The following DZANK1 variants were observed in gnomAD, a reference collection of about 807,000 sequenced individuals.
DZANK1 encodes double zinc ribbon and ankyrin repeat domains 1.
In DZANK1, 91 loss-of-function variants were observed where a neutral mutation model predicts 94.5. The observed-to-expected ratio is 0.96, with a 90% CI of 0.81 to 1.15. DZANK1 has a LOEUF of 1.15. DZANK1 is among the 50% of genes most tolerant of loss of function. DZANK1 has a pLI of 0.00. For missense variants in DZANK1, 903 were observed against 916.4 expected (o/e 0.99, Z 0.19); for synonymous variants, 312 against 325.3 (o/e 0.96, Z 0.44).
chr20:18,437,186 C>T (rs2058555771), intron 8 of DZANK1, among the ~76,000 whole-genome samples: 1 of 152,126 alleles, frequency 6.6e-6, no homozygotes, highest in South Asian at 2.1e-4. Flanking sequence ...GATTGTATAA[C>T]ACCGCATTTT....
At chr20:18,426,372 T>C (rs2058044354) in intron 10 of DZANK1, among the ~76,000 whole-genome samples, 1 of 151,954 alleles carries the variant, frequency 6.6e-6, no homozygotes, top group Non-Finnish European at 1.5e-5. Flanking sequence ...GGACCGCTGC[T>C]GTAGACCATA....
chr20:18,414,413 G>C, exon 12 of DZANK1: 5 of 1,614,016 alleles, frequency 3.1e-6, no homozygotes, highest in East Asian at 2.2e-5. Context: ...AGTTTCACTA[G>C]GGACTTCACA....
At position 18,450,363 on chromosome 20, in the gene DZANK1, C is replaced by A. The variant is rs568133306; in HGVS notation, c.544-1294G>T. Among the ~76,000 whole-genome samples, 289 of 152,142 alleles carry A rather than the reference C, an allele frequency of 1.9e-3. 1 individual carries two copies. Among genetic ancestry groups the A allele is most frequent in the Non-Finnish European group, 3.3e-3 (223 of 67,988 alleles). Reference sequence around the variant, plus strand: ...GCCAGGAGTTCAAAAATAGTCTGGGCAACATAGTGAATCCCCATCTCTACA... The same window carrying A: ...GCCAGGAGTTCAAAAATAGTCTGGGAAACATAGTGAATCCCCATCTCTACA... On this transcript the variant is annotated intron_variant, in intron 6 of 20. Coordinates refer to ENST00000262547, the Ensembl canonical transcript of DZANK1.
At chr20:18,435,815 C>T (rs1338483082) in intron 8 of DZANK1, among the ~76,000 whole-genome samples, 2 of 150,738 alleles carry the variant, frequency 1.3e-5, no homozygotes, top group Non-Finnish European at 2.9e-5. Flanking sequence ...TCTTTTGTTT[C>T]TTTACTTCTC....
intron 10 of DZANK1, among the ~76,000 whole-genome samples, chr20:18,416,756 G>A (rs545792091): frequency 4.3e-4 from 65 of 152,088 alleles, no homozygotes; most frequent in African/African-American, 1.5e-3. Context: ...CTTTGTGTGC[G>A]CTTGCCTTCA....
intron 6 of DZANK1, among the ~76,000 whole-genome samples, chr20:18,450,203 T>C (rs1386362730): frequency 1.4e-4 from 21 of 152,202 alleles, no homozygotes; most frequent in Non-Finnish European, 7.3e-5. Flanking sequence ...ACAGGCTCTA[T>C]CCTGCAGGCA....
At chr20:18,439,528 A>G (rs897027587) in intron 8 of DZANK1, among the ~76,000 whole-genome samples, 3 of 152,156 alleles carry the variant, frequency 2.0e-5, no homozygotes, top group Admixed American at 6.6e-5. Flanking sequence ...GATTCCTCTT[A>G]CTGAAACATC....
At chr20:18,401,994 C>T (rs1394609934) in intron 13 of DZANK1, among the ~76,000 whole-genome samples, 1 of 152,176 alleles carries the variant, frequency 6.6e-6, no homozygotes, top group Non-Finnish European at 1.5e-5. Context: ...TCTGATACCA[C>T]ATTTATATCT....
At chr20:18,462,107 G>A (rs2059492775) in intron 2 of DZANK1, among the ~76,000 whole-genome samples, 1 of 151,974 alleles carries the variant, frequency 6.6e-6, no homozygotes, top group Non-Finnish European at 1.5e-5. Flanking sequence ...TGCATTTTGA[G>A]TAAAACTCAC....
chr20:18,399,653 T>G (rs2056564172), intron 13 of DZANK1, among the ~76,000 whole-genome samples: 1 of 152,234 alleles, frequency 6.6e-6, no homozygotes. Flanking sequence ...GCACAGGGTT[T>G]AAGACACATT....
rs141970502 is a variant in DZANK1, at chr20:18,435,840, A to G, written c.748-2075T>C. On this transcript the variant is annotated intron_variant, in intron 8 of 20. Coordinates refer to ENST00000262547, the Ensembl canonical transcript of DZANK1. ...CTTTACTTCTCTAATTAAGAAAAAAAATTTAAAAAAAATAAAAAGCCTGAC... is the reference window on the plus strand; with the variant it reads ...CTTTACTTCTCTAATTAAGAAAAAAGATTTAAAAAAAATAAAAAGCCTGAC... 2.4e-3 allele frequency among the ~76,000 whole-genome samples: 360 copies of G among 152,230 alleles called. 5 individuals carry two copies. The highest frequency in any genetic ancestry group is 0.02 in the Admixed American group (302 of 15,294).
At chr20:18,389,603 C>T in intron 19 of DZANK1, 98 bp downstream of exon 19, 1 of 1,494,900 alleles carries the variant, frequency 6.7e-7, no homozygotes, top group Non-Finnish European at 9.0e-7. Context: ...GTGGCTGAAA[C>T]TGAACAGGGT....
exon 8 of DZANK1, chr20:18,443,450 A>C (rs1441377599): frequency 1.5e-5 from 23 of 1,486,824 alleles, no homozygotes; most frequent in Non-Finnish European, 2.1e-5. Flanking sequence ...CCGGGGGGCA[A>C]GGCAGTGGGC....
intron 20 of DZANK1, 65 bp from the exon 21 acceptor site, chr20:18,384,629 A>C (rs1334428124): frequency 1.2e-5 from 18 of 1,478,452 alleles, no homozygotes; most frequent in Non-Finnish European, 1.6e-5. Context: ...TAAGAGCTTG[A>C]CTCTACCCTG....
At chr20:18,424,475 A>G (rs2057939765) in intron 10 of DZANK1, among the ~76,000 whole-genome samples, 1 of 151,604 alleles carries the variant, frequency 6.6e-6, no homozygotes, top group African/African-American at 2.4e-5. Context: ...ACAACAAAAA[A>G]AAAAAAAAAG....
At chr20:18,384,989 G>A (rs2148103014) in intron 20 of DZANK1, 27 bp downstream of exon 20, 2 of 1,548,298 alleles carry the variant, frequency 1.3e-6, no homozygotes, top group South Asian at 2.4e-5. Context: ...GCCCTCAAAA[G>A]TATCCATCAG....
chr20:18,456,290 C>A (rs2059287520), intron 3 of DZANK1, among the ~76,000 whole-genome samples: 1 of 152,312 alleles, frequency 6.6e-6, no homozygotes, highest in South Asian at 2.1e-4. Flanking sequence ...CACAATTCAT[C>A]TTGTTCTCTG....
At chr20:18,418,920 G>A (rs1054606492) in intron 10 of DZANK1, among the ~76,000 whole-genome samples, 1 of 152,136 alleles carries the variant, frequency 6.6e-6, no homozygotes, top group African/African-American at 2.4e-5. Context: ...GTGAACTGGA[G>A]GATAGATCAA....
Position 18,465,405 on chromosome 20 carries a change from A to AATGTGCACTTATAG in DZANK1, c.-19-29_-19-28insCTATAAGTGCACAT, listed in dbSNP as rs1555780947. The AATGTGCACTTATAG allele has an allele frequency of 5.1e-6, 4 of 780,784 alleles. 1 individual carries two copies. Among genetic ancestry groups the AATGTGCACTTATAG allele is most frequent in the Non-Finnish European group, 6.6e-6 (4 of 607,526 alleles). The allele number at this position is 780,784 out of a possible 1,614,324, so 48.4% of individuals were successfully genotyped here. A position where few individuals can be genotyped will look rare whatever the true frequency, so the allele number is the denominator to read the frequency against. ...CTATATATATATACATATAAATTCC[A>AATGTGCACTTATAG]ATGTACACAAAAGCTGAAGAGCAGC... On this transcript the variant is annotated intron_variant, in intron 1 of 20. Coordinates refer to ENST00000262547, the Ensembl canonical transcript of DZANK1.
Sources: allele counts gnomAD v4.1 joint callset (sites outside exome capture counted in the v4.1 genomes callset), GRCh38; gene constraint gnomAD v4.1.1; transcripts MANE v1.5; gene names NCBI Gene and HGNC (gene_info 2026-07-23, HGNC 2026-07-21).